Variants in TIAM1 observed in about 807,000 individuals in gnomAD.
TIAM1 encodes the protein rho guanine nucleotide exchange factor TIAM1.
Under a neutral mutation model 163.5 loss-of-function variants are expected in TIAM1, and 65 were observed. The ratio of observed to expected loss-of-function variants is 0.40; its 90% confidence interval spans 0.33 to 0.49. The LOEUF (loss-of-function observed/expected upper bound fraction) is 0.49. Among genes scored for constraint, TIAM1 ranks in the 20% least tolerant of loss-of-function variants. The probability of loss-of-function intolerance (pLI) is 0.77; values close to 1 mark genes in which losing one functional copy is unlikely to be tolerated. For missense variants in TIAM1, 1,789 were observed against 2,044.7 expected, an observed-to-expected ratio of 0.87 and a Z score of 2.41; for synonymous variants, 833 against 810.1, an observed-to-expected ratio of 1.03 and a Z score of -0.48.
At chr21:31,475,025 T>TTTTTATTATTA (rs1285962494) in intron 1 of TIAM1, among the ~76,000 whole-genome samples, 1 of 118,714 alleles carries the variant, frequency 8.4e-6, no homozygotes, top group East Asian at 2.2e-4. Flanking sequence ...GAGCTAGTTT[T>TTTTTATTATTA]TTATTATTAT....
intron 2 of TIAM1, among the ~76,000 whole-genome samples, chr21:31,454,790 G>A (rs1187209155): frequency 6.6e-6 from 1 of 152,212 alleles, no homozygotes; most frequent in Non-Finnish European, 1.5e-5. Flanking sequence ...AGCTGAATCA[G>A]AATTGAAGGC....
At chr21:31,201,990 A>ATT in intron 12 of TIAM1, among the ~76,000 whole-genome samples, 1 of 151,394 alleles carries the variant, frequency 6.6e-6, no homozygotes, top group East Asian at 1.9e-4. Flanking sequence ...TTAGCATTTC[A>ATT]TTTTTTTTTC....
At chr21:31,443,379 A>G (rs561083152) in intron 2 of TIAM1, among the ~76,000 whole-genome samples, 2 of 152,322 alleles carry the variant, frequency 1.3e-5, no homozygotes, top group East Asian at 1.9e-4. Context: ...TCCATAACCC[A>G]GAGTCTATGG....
chr21:31,520,793 A>C (rs1271107839), intron 1 of TIAM1, among the ~76,000 whole-genome samples: 3 of 152,226 alleles, frequency 2.0e-5, no homozygotes, highest in Non-Finnish European at 2.9e-5. Context: ...TATGTAACTT[A>C]AGCTGTGGGC....
At chr21:31,219,823 T>C (rs1220946912) in intron 8 of TIAM1, among the ~76,000 whole-genome samples, 1 of 152,028 alleles carries the variant, frequency 6.6e-6, no homozygotes, top group African/African-American at 2.4e-5. Context: ...ATGAGAAAGA[T>C]CTTAATCTAA....
At chr21:31,518,031 T>C (rs1049867797) in intron 1 of TIAM1, among the ~76,000 whole-genome samples, 1 of 152,160 alleles carries the variant, frequency 6.6e-6, no homozygotes, top group Non-Finnish European at 1.5e-5. Flanking sequence ...AATAACTCAA[T>C]AAAATATGCA....
rs371048017 is a variant in TIAM1, at chr21:31,155,161, C to T, written c.2992-735G>A. Among the ~76,000 whole-genome samples, 3 of 152,322 alleles carry T rather than the reference C, an allele frequency of 2.0e-5. No homozygotes were observed. In the South Asian group the frequency reaches 6.2e-4, roughly 32 times the overall value. ...TCAGGTGTAGACCATAAAGGTTGCA[C>T]ACGTTTTGTCATCCATTTGAAACGT... On this transcript the variant is annotated intron_variant, in intron 16 of 27. Coordinates refer to ENST00000541036, the MANE Select transcript of TIAM1 (RefSeq NM_001353694.2).
intron 2 of TIAM1, among the ~76,000 whole-genome samples, chr21:31,402,931 G>A (rs1340887417): frequency 6.6e-6 from 1 of 151,974 alleles, no homozygotes; most frequent in South Asian, 2.1e-4. Flanking sequence ...CAGCCTGGGC[G>A]ACAGAGTGAG....
chr21:31,442,103 T>C (rs1375519193), intron 2 of TIAM1, among the ~76,000 whole-genome samples: 2 of 60,326 alleles, frequency 3.3e-5, no homozygotes, highest in African/African-American at 1.3e-4. Context: ...ATAAGGGTAT[T>C]GTAACAGGGA....
chr21:31,243,503 A>G (rs1444130359), intron 6 of TIAM1, among the ~76,000 whole-genome samples: 2 of 152,028 alleles, frequency 1.3e-5, no homozygotes, highest in Non-Finnish European at 2.9e-5. Context: ...TAATAGCTAA[A>G]AACTTTCCAA....
chr21:31,541,311 G>C (rs2048317434), intron 1 of TIAM1, among the ~76,000 whole-genome samples: 1 of 151,974 alleles, frequency 6.6e-6, no homozygotes, highest in Non-Finnish European at 1.5e-5. Flanking sequence ...ACAAAAGTTA[G>C]CCAGGTGTGG....
chr21:31,194,093 C>T (rs918451141), intron 13 of TIAM1, among the ~76,000 whole-genome samples: 1 of 151,982 alleles, frequency 6.6e-6, no homozygotes, highest in African/African-American at 2.4e-5. Context: ...CACTCGGGCA[C>T]CCCTCTCTCT....
At position 31,339,372 on chromosome 21, in the gene TIAM1, C is replaced by G. The variant is rs1403112256; in HGVS notation, c.-318G>C. On this transcript the variant is annotated 5_prime_UTR_variant, in exon 2 of 28. Transcript: ENST00000541036. ...GGTACCAACCAGCCTCCTCTTCCTC[C>G]TCCTGGGCTTCAGGTCTAGAAAGGT... 5 of 398,512 alleles carry G rather than the reference C, an allele frequency of 1.3e-5. No individual in the cohort carries two copies. The highest frequency in any genetic ancestry group is 2.2e-5 in the Non-Finnish European group (5 of 226,104). 24.7% of individuals were successfully genotyped at this position (398,512 alleles called of 1,614,324 possible). A position where few individuals can be genotyped will look rare whatever the true frequency, so the allele number is the denominator to read the frequency against.
chr21:31,213,800 C>A (rs571434614), intron 9 of TIAM1, among the ~76,000 whole-genome samples: 1 of 138,822 alleles, frequency 7.2e-6, no homozygotes, highest in African/African-American at 2.8e-5. Flanking sequence ...GAAGCTGAGG[C>A]GGGAGGACTG....
intron 27 of TIAM1, 124 bp downstream of exon 27, chr21:31,124,398 T>G: frequency 4.4e-6 from 6 of 1,378,366 alleles, no homozygotes; most frequent in Non-Finnish European, 1.9e-6. Context: ...GGAAAAACCG[T>G]CCTCCTACAT....
intron 1 of TIAM1, among the ~76,000 whole-genome samples, chr21:31,541,327 C>T (rs913885878): frequency 2.0e-5 from 3 of 151,916 alleles, no homozygotes; most frequent in African/African-American, 7.3e-5. Flanking sequence ...TGTGGTGGTG[C>T]CCGCCTGTAG....
chr21:31,558,633 T>C (rs1049086437), intron 1 of TIAM1, among the ~76,000 whole-genome samples: 3 of 152,048 alleles, frequency 2.0e-5, no homozygotes, highest in African/African-American at 7.2e-5. Flanking sequence ...GACGCTGTCA[T>C]TTCCATCCAG....
At chr21:31,309,439 C>A (rs1476016235) in intron 2 of TIAM1, among the ~76,000 whole-genome samples, 8 of 152,144 alleles carry the variant, frequency 5.3e-5, no homozygotes, top group Non-Finnish European at 1.0e-4. Flanking sequence ...TCCTGGGCGA[C>A]AGAGTGAGAC....
chr21:31,140,236 GC>G (rs2082787936), intron 22 of TIAM1, among the ~76,000 whole-genome samples: 1 of 152,044 alleles, frequency 6.6e-6, no homozygotes, highest in Admixed American at 6.6e-5. Context: ...ACCAAACTTT[GC>G]CCCACCCACA....
Sources: allele counts gnomAD v4.1 joint callset (sites outside exome capture counted in the v4.1 genomes callset), GRCh38; gene constraint gnomAD v4.1.1; transcripts MANE v1.5; gene names NCBI Gene and HGNC (gene_info 2026-07-23, HGNC 2026-07-21).